PELI2: variants seen among roughly 807,000 people sequenced by gnomAD.
PELI2 encodes E3 ubiquitin-protein ligase pellino homolog 2.
A neutral mutation model predicts 42.3 loss-of-function variants in PELI2; 23 were observed. That is an observed-to-expected ratio of 0.54 (90% CI 0.39 to 0.77). The LOEUF is 0.77. PELI2 is among the 30% of genes least tolerant of loss of function. The probability of loss-of-function intolerance (pLI) is 0.00; values close to 1 mark genes in which losing one functional copy is unlikely to be tolerated. For missense variants in PELI2, 463 were observed against 553.2 expected (o/e 0.84, Z 1.64); for synonymous variants, 245 against 212.2 (o/e 1.15, Z -1.34).
intron 1 of PELI2, among the ~76,000 whole-genome samples, chr14:56,152,794 A>G (rs192698126): frequency 1.3e-5 from 2 of 152,348 alleles, no homozygotes; most frequent in East Asian, 3.9e-4. Context: ...ATATTTGTAA[A>G]AAGATGGCTG....
intron 1 of PELI2, among the ~76,000 whole-genome samples, chr14:56,161,162 AT>A (rs1374279929): frequency 6.6e-6 from 1 of 152,208 alleles, no homozygotes; most frequent in Admixed American, 6.5e-5. Context: ...ATGCCAGGAA[AT>A]AGCCCCTCAA....
intron 1 of PELI2, among the ~76,000 whole-genome samples, chr14:56,161,915 G>A (rs1329964795): frequency 6.6e-6 from 1 of 152,032 alleles, no homozygotes; most frequent in African/African-American, 2.4e-5. Context: ...TTAGTTCTCT[G>A]GCCAGAAATC....
intron 2 of PELI2, among the ~76,000 whole-genome samples, chr14:56,238,511 T>A (rs774696906): frequency 6.6e-6 from 1 of 152,182 alleles, no homozygotes; most frequent in South Asian, 2.1e-4. Context: ...GGGTTCTTAA[T>A]CCATCTCTCT....
intron 1 of PELI2, among the ~76,000 whole-genome samples, chr14:56,169,082 C>T (rs896013142): frequency 1.4e-4 from 21 of 152,192 alleles, no homozygotes; most frequent in Non-Finnish European, 2.5e-4. Context: ...TCTACCGTCT[C>T]CTCTCTTCAG....
At chr14:56,235,110 A>C (rs1362901777) in intron 2 of PELI2, among the ~76,000 whole-genome samples, 1 of 152,200 alleles carries the variant, frequency 6.6e-6, no homozygotes, top group Non-Finnish European at 1.5e-5. Flanking sequence ...AAAGTTTAGT[A>C]TTAGCTTGGT....
intron 1 of PELI2, among the ~76,000 whole-genome samples, chr14:56,127,670 T>A (rs1262654838): frequency 6.6e-6 from 1 of 152,154 alleles, no homozygotes; most frequent in East Asian, 1.9e-4. Context: ...AGGCCTAGAA[T>A]CCACTGGTTA....
intron 1 of PELI2, among the ~76,000 whole-genome samples, chr14:56,123,373 TA>T (rs1367833535): frequency 1.3e-5 from 2 of 152,210 alleles, no homozygotes; most frequent in Non-Finnish European, 2.9e-5. Flanking sequence ...TTTTATAGAC[TA>T]AAAGGTCTTT....
chr14:56,249,852 C>T (rs1888282880), intron 2 of PELI2, among the ~76,000 whole-genome samples: 1 of 152,212 alleles, frequency 6.6e-6, no homozygotes, highest in Non-Finnish European at 1.5e-5. Flanking sequence ...AAGGATCACA[C>T]ATGCCTAGCA....
At chr14:56,270,356 A>G (rs1226861328) in intron 2 of PELI2, among the ~76,000 whole-genome samples, 2 of 152,210 alleles carry the variant, frequency 1.3e-5, no homozygotes, top group Admixed American at 6.5e-5. Flanking sequence ...CATGCAACGT[A>G]AATTGTGAAT....
intron 2 of PELI2, among the ~76,000 whole-genome samples, chr14:56,258,928 G>A (rs1028224444): frequency 2.6e-5 from 4 of 151,798 alleles, no homozygotes. Flanking sequence ...TTGCCAAAAA[G>A]CAATAATAAA....
chr14:56,172,483 G>A (rs1418092813), intron 1 of PELI2, among the ~76,000 whole-genome samples: 1 of 152,242 alleles, frequency 6.6e-6, no homozygotes, highest in Admixed American at 6.5e-5. Flanking sequence ...CTCTTAGTGG[G>A]AGAAGAAGCC....
At chr14:56,200,715 C>T (rs1371829026) in intron 2 of PELI2, among the ~76,000 whole-genome samples, 2 of 152,192 alleles carry the variant, frequency 1.3e-5, no homozygotes, top group African/African-American at 4.8e-5. Flanking sequence ...TTTTAAGTAA[C>T]TGAATTCCTG....
chr14:56,196,982 T>C (rs974862400), intron 2 of PELI2, among the ~76,000 whole-genome samples: 1 of 152,196 alleles, frequency 6.6e-6, no homozygotes, highest in African/African-American at 2.4e-5. Context: ...ATGTAACATA[T>C]TTTTTCAGAT....
rs1181900576 is a variant in PELI2 at position 56,301,238 on chromosome 14, C to G, written c.*4072C>G. ...AAAGTTTATTTCTTCACTATTGTAC[C>G]TGTGGAAATACAAGCCATTTTACAG... On this transcript the variant is annotated 3_prime_UTR_variant, in exon 6 of 6. Transcript: ENST00000267460. The G allele has an allele frequency of 1.3e-5, 2 of 152,470 alleles. No individual in the cohort carries two copies. The highest frequency in any genetic ancestry group is 3.9e-4 in the East Asian group (2 of 5,194). 9.4% of individuals were successfully genotyped at this position (152,470 alleles called of 1,614,324 possible).
intron 1 of PELI2, among the ~76,000 whole-genome samples, chr14:56,157,357 C>T (rs1035678879): frequency 6.6e-6 from 1 of 151,980 alleles, no homozygotes; most frequent in African/African-American, 2.4e-5. Context: ...ATTTTCTAAT[C>T]TCATGGTTCA....
chr14:56,291,409 T>G (rs917724867), intron 5 of PELI2, among the ~76,000 whole-genome samples: 2 of 152,184 alleles, frequency 1.3e-5, no homozygotes, highest in African/African-American at 2.4e-5. Flanking sequence ...ATGTTTGTGT[T>G]TAGGGAATGG....
chr14:56,194,312 T>G (rs1489337392), intron 2 of PELI2, among the ~76,000 whole-genome samples: 1 of 152,138 alleles, frequency 6.6e-6, no homozygotes, highest in African/African-American at 2.4e-5. Flanking sequence ...CTGAATCTCC[T>G]CTGTCTTTCC....
intron 2 of PELI2, among the ~76,000 whole-genome samples, chr14:56,189,468 C>G (rs529552976): frequency 6.6e-6 from 1 of 152,302 alleles, no homozygotes; most frequent in African/African-American, 2.4e-5. Flanking sequence ...TTTCATGGCT[C>G]TCTGCCTGAT....
chr14:56,130,155 C>T (rs950266875), intron 1 of PELI2, among the ~76,000 whole-genome samples: 1 of 152,116 alleles, frequency 6.6e-6, no homozygotes, highest in Non-Finnish European at 1.5e-5. Flanking sequence ...GGGAGGTCCC[C>T]AGAGGGCTGG....
Sources: allele counts gnomAD v4.1 joint callset (sites outside exome capture counted in the v4.1 genomes callset), GRCh38; gene constraint gnomAD v4.1.1; transcripts MANE v1.5; gene names NCBI Gene and HGNC (gene_info 2026-07-23, HGNC 2026-07-21).